Variants in NFIL3 observed in about 807,000 individuals in gnomAD.
NFIL3 encodes nuclear factor interleukin-3-regulated protein.
A neutral mutation model predicts 10.0 loss-of-function variants in NFIL3; 5 were observed. That is an observed-to-expected ratio of 0.50 (90% CI 0.26 to 1.06). NFIL3 has a LOEUF of 1.06. Among genes scored for constraint, NFIL3 ranks in the 50% least tolerant of loss-of-function variants. The pLI is 0.13. For missense variants in NFIL3, 436 were observed against 547.6 expected, an observed-to-expected ratio of 0.80 and a Z score of 2.03; for synonymous variants, 202 against 206.5, an observed-to-expected ratio of 0.98 and a Z score of 0.19.
chr9:91,436,316 G>T, the NFIL3 span, among the ~76,000 whole-genome samples: 1 of 152,050 alleles, frequency 6.6e-6, no homozygotes. Context: ...GGTGGCTCAC[G>T]CCTGTAATCC....
chr9:91,468,681 T>C, the NFIL3 span, among the ~76,000 whole-genome samples: 1 of 152,264 alleles, frequency 6.6e-6, no homozygotes, highest in Non-Finnish European at 1.5e-5. Flanking sequence ...GTCTAACATT[T>C]AAGTCTTTAA....
chr9:91,417,086 A>C (rs1287295406), intron 1 of NFIL3, among the ~76,000 whole-genome samples: 1 of 152,214 alleles, frequency 6.6e-6, no homozygotes, highest in Non-Finnish European at 1.5e-5. Context: ...TACTCTGAGA[A>C]CATTTTGTTA....
chr9:91,458,852 GA>G, the NFIL3 span, among the ~76,000 whole-genome samples: 3 of 152,144 alleles, frequency 2.0e-5, no homozygotes, highest in Non-Finnish European at 4.4e-5. Flanking sequence ...TTGGTGTCAA[GA>G]AAATTAAGGA....
chr9:91,415,106 TA>T (rs1833628205), intron 1 of NFIL3, among the ~76,000 whole-genome samples: 1 of 152,018 alleles, frequency 6.6e-6, no homozygotes, highest in Non-Finnish European at 1.5e-5. Flanking sequence ...AAGGGGAGAC[TA>T]GGGGCACATA....
At chr9:91,445,546 T>C in the NFIL3 span, among the ~76,000 whole-genome samples, 1 of 152,118 alleles carries the variant, frequency 6.6e-6, no homozygotes, top group Non-Finnish European at 1.5e-5. Context: ...AGGGTAAGTT[T>C]CCCTGGAATA....
At chr9:91,472,411 T>C in the NFIL3 span, among the ~76,000 whole-genome samples, 1 of 152,334 alleles carries the variant, frequency 6.6e-6, no homozygotes, top group East Asian at 1.9e-4. Flanking sequence ...TTCTTTTTAC[T>C]CTTTTTTCTC....
the NFIL3 span, among the ~76,000 whole-genome samples, chr9:91,449,861 TATTGA>T: frequency 6.6e-6 from 1 of 152,138 alleles, no homozygotes; most frequent in Non-Finnish European, 1.5e-5. Flanking sequence ...CATTTTTGAT[TATTGA>T]ATTAATCTCT....
the NFIL3 span, among the ~76,000 whole-genome samples, chr9:91,435,973 G>A: frequency 6.6e-6 from 1 of 152,126 alleles, no homozygotes; most frequent in African/African-American, 2.4e-5. Flanking sequence ...TGGCTAATAT[G>A]AGCAGAACAG....
At chr9:91,441,295 T>A in the NFIL3 span, among the ~76,000 whole-genome samples, 1 of 152,138 alleles carries the variant, frequency 6.6e-6, no homozygotes, top group South Asian at 2.1e-4. Context: ...TGATTTGAAG[T>A]ATATTTAATT....
the NFIL3 span, among the ~76,000 whole-genome samples, chr9:91,436,845 C>A: frequency 2.0e-5 from 3 of 152,196 alleles, no homozygotes; most frequent in African/African-American, 7.2e-5. Context: ...TAGTCAGTTA[C>A]AATTTCCTAC....
At chr9:91,429,985 G>A in the NFIL3 span, among the ~76,000 whole-genome samples, 2 of 152,010 alleles carry the variant, frequency 1.3e-5, no homozygotes, top group Non-Finnish European at 2.9e-5. Flanking sequence ...TATAATTATA[G>A]TATCAATCTC....
At chr9:91,420,077 T>C in intron 1 of NFIL3, among the ~76,000 whole-genome samples, 1 of 152,126 alleles carries the variant, frequency 6.6e-6, no homozygotes, top group East Asian at 1.9e-4. Context: ...ATGGCAATTG[T>C]CACGTCATTC....
At chr9:91,447,468 A>G in the NFIL3 span, among the ~76,000 whole-genome samples, 1 of 152,196 alleles carries the variant, frequency 6.6e-6, no homozygotes. Context: ...CAAGAGTTCC[A>G]ATTTCTCCAT....
chr9:91,416,852 T>A (rs1833667294), intron 1 of NFIL3, among the ~76,000 whole-genome samples: 1 of 152,232 alleles, frequency 6.6e-6, no homozygotes, highest in Non-Finnish European at 1.5e-5. Flanking sequence ...AAGTACAAGA[T>A]TTGATTTAGA....
At chr9:91,422,615 G>GA (rs1296237928) in intron 1 of NFIL3, among the ~76,000 whole-genome samples, 2 of 152,244 alleles carry the variant, frequency 1.3e-5, no homozygotes, top group South Asian at 2.1e-4. Flanking sequence ...ACATTTCCAG[G>GA]AAACTATTAT....
chr9:91,449,268 C>A, the NFIL3 span, among the ~76,000 whole-genome samples: 1 of 152,086 alleles, frequency 6.6e-6, no homozygotes, highest in East Asian at 1.9e-4. Flanking sequence ...AGTGAACTTC[C>A]TTGTCTCATT....
the NFIL3 span, among the ~76,000 whole-genome samples, chr9:91,437,884 GCA>G: frequency 6.6e-6 from 1 of 152,110 alleles, no homozygotes; most frequent in Non-Finnish European, 1.5e-5. Context: ...TATGTATGTA[GCA>G]CAGTTTCTTA....
the NFIL3 span, among the ~76,000 whole-genome samples, chr9:91,471,534 T>C: frequency 6.6e-6 from 1 of 151,614 alleles, no homozygotes; most frequent in Non-Finnish European, 1.5e-5. Flanking sequence ...TTATTATACT[T>C]TAAGTTTTAG....
the NFIL3 span, among the ~76,000 whole-genome samples, chr9:91,453,835 T>C: frequency 5.9e-5 from 9 of 152,120 alleles, no homozygotes; most frequent in Admixed American, 3.3e-4. Flanking sequence ...TTTTAGCTTA[T>C]AGTATCTCAT....
Sources: allele counts gnomAD v4.1 joint callset (sites outside exome capture counted in the v4.1 genomes callset), GRCh38; gene constraint gnomAD v4.1.1; transcripts MANE v1.5; gene names NCBI Gene and HGNC (gene_info 2026-07-23, HGNC 2026-07-21).